Variants in CHN2 observed in about 807,000 individuals in gnomAD.
CHN2 encodes the protein chimerin 2, also known as beta-chimaerin.
In CHN2, 35 loss-of-function variants were observed where a neutral mutation model predicts 56.3. That is an observed-to-expected ratio of 0.62 (90% confidence interval 0.47 to 0.82). The LOEUF (loss-of-function observed/expected upper bound fraction) is 0.82, where lower values mean the gene tolerates loss of function less well. Among genes scored for constraint, CHN2 ranks in the 40% least tolerant of loss-of-function variants. The pLI, the probability that CHN2 is intolerant of heterozygous loss-of-function variation, is 0.00. For synonymous variants in CHN2, 210 were observed against 212.8 expected (o/e 0.99, Z 0.12); for missense variants, 491 against 580.5 (o/e 0.85, Z 1.58).
chr7:29,278,239 C>G (rs957424715), intron 1 of CHN2, among the ~76,000 whole-genome samples: 1 of 152,132 alleles, frequency 6.6e-6, no homozygotes, highest in African/African-American at 2.4e-5. Flanking sequence ...ACCAGAGATT[C>G]TGATTTCAAT....
chr7:29,223,558 A>G (rs1212373990), intron 1 of CHN2, among the ~76,000 whole-genome samples: 1 of 152,114 alleles, frequency 6.6e-6, no homozygotes, highest in Non-Finnish European at 1.5e-5. Context: ...TTTACTCAAC[A>G]TCCATATGTT....
intron 1 of CHN2, among the ~76,000 whole-genome samples, chr7:29,205,689 T>C (rs1161473178): frequency 2.0e-5 from 3 of 152,194 alleles, no homozygotes; most frequent in Non-Finnish European, 4.4e-5. Context: ...CGTGCCAACT[T>C]AGAGTTTCTC....
At chr7:29,411,667 C>T (rs756467066) in intron 6 of CHN2, among the ~76,000 whole-genome samples, 8 of 152,166 alleles carry the variant, frequency 5.3e-5, no homozygotes, top group Non-Finnish European at 1.0e-4. Context: ...GCCTTTCACC[C>T]TCTTTCTGCT....
intron 1 of CHN2, among the ~76,000 whole-genome samples, chr7:29,201,733 A>C (rs1040409917): frequency 9.2e-5 from 14 of 152,194 alleles, no homozygotes; most frequent in Non-Finnish European, 1.3e-4. Context: ...ACACAGACAC[A>C]AAACATTTTT....
At chr7:29,249,427 G>A (rs1036806727) in intron 1 of CHN2, among the ~76,000 whole-genome samples, 36 of 152,194 alleles carry the variant, frequency 2.4e-4, no homozygotes, top group African/African-American at 8.2e-4. Flanking sequence ...CAGCTGGTTG[G>A]ATGGTGCCTG....
chr7:29,251,313 G>C (rs566360492), intron 1 of CHN2, among the ~76,000 whole-genome samples: 1 of 152,028 alleles, frequency 6.6e-6, no homozygotes, highest in African/African-American at 2.4e-5. Flanking sequence ...AGTTAGCTGG[G>C]TGTGGTGACA....
At chr7:29,283,906 C>A (rs59639215) in intron 1 of CHN2, among the ~76,000 whole-genome samples, 1 of 145,540 alleles carries the variant, frequency 6.9e-6, no homozygotes. Flanking sequence ...CAGGAGCCAC[C>A]GTTCCCAGCC....
intron 1 of CHN2, among the ~76,000 whole-genome samples, chr7:29,299,275 C>G (rs374628753): frequency 1.3e-5 from 2 of 152,126 alleles, no homozygotes; most frequent in African/African-American, 4.8e-5. Flanking sequence ...AGTACTGATC[C>G]GTGGTGATTT....
At chr7:29,240,658 A>C (rs1277834641) in intron 1 of CHN2, among the ~76,000 whole-genome samples, 1 of 152,078 alleles carries the variant, frequency 6.6e-6, no homozygotes, top group Non-Finnish European at 1.5e-5. Context: ...AACAAATCAT[A>C]GCATCATGAA....
intron 1 of CHN2, among the ~76,000 whole-genome samples, chr7:29,284,147 G>T (rs981992187): frequency 1.3e-5 from 2 of 151,566 alleles, no homozygotes; most frequent in Non-Finnish European, 2.9e-5. Context: ...CCAGGCTGAA[G>T]TGCAGTGGTG....
chr7:29,505,403 T>C (rs1042330530), intron 10 of CHN2, among the ~76,000 whole-genome samples: 5 of 152,182 alleles, frequency 3.3e-5, no homozygotes, highest in Non-Finnish European at 7.4e-5. Flanking sequence ...GAAGCCCTAC[T>C]GGATAGAGCC....
chr7:29,354,599 G>T lies in CHN2; in HGVS notation c.50-26G>T, dbSNP rs1483642095. 5 of 1,582,812 alleles carry T rather than the reference G, an allele frequency of 3.2e-6. No homozygotes were observed. The African/African-American group carries it at 5.4e-5, about 17-fold the overall frequency. ...CAGCTTGACGTTCAGGCTGATGATG[G>T]ATTTCTTTTTTTTTTTTCATTCTAG... On this transcript the variant is annotated intron_variant, in intron 1 of 12. Transcript: ENST00000222792.
At chr7:29,333,922 A>G (rs932287234) in intron 1 of CHN2, among the ~76,000 whole-genome samples, 2 of 152,216 alleles carry the variant, frequency 1.3e-5, no homozygotes, top group African/African-American at 4.8e-5. Flanking sequence ...TGCTGTGTGC[A>G]TGGAGTCCTG....
intron 3 of CHN2, among the ~76,000 whole-genome samples, chr7:29,380,345 A>G (rs2128056959): frequency 6.6e-6 from 1 of 152,200 alleles, no homozygotes; most frequent in African/African-American, 2.4e-5. Context: ...TAGAACATAA[A>G]CAGATATACA....
chr7:29,324,086 G>C (rs1795602521), intron 1 of CHN2, among the ~76,000 whole-genome samples: 2 of 152,128 alleles, frequency 1.3e-5, no homozygotes. Context: ...AATCACTTTT[G>C]GGAGGTGGGG....
intron 1 of CHN2, among the ~76,000 whole-genome samples, chr7:29,245,985 CT>C (rs1788046931): frequency 6.6e-6 from 1 of 152,176 alleles, no homozygotes; most frequent in South Asian, 2.1e-4. Flanking sequence ...ACTTCATCTT[CT>C]TTTCCATTAG....
chr7:29,508,768 C>T (rs886222371), intron 11 of CHN2, among the ~76,000 whole-genome samples: 4 of 152,126 alleles, frequency 2.6e-5, no homozygotes, highest in African/African-American at 7.2e-5. Context: ...GGCTGTGCAC[C>T]GGGGTTAAGT....
intron 1 of CHN2, among the ~76,000 whole-genome samples, chr7:29,283,712 G>C (rs1311494094): frequency 6.6e-6 from 1 of 151,880 alleles, no homozygotes; most frequent in Non-Finnish European, 1.5e-5. Context: ...TCCACCTCCC[G>C]AGTTCAAGCA....
intron 1 of CHN2, among the ~76,000 whole-genome samples, chr7:29,231,539 A>T (rs1380152009): frequency 6.6e-6 from 1 of 152,202 alleles, no homozygotes; most frequent in Admixed American, 6.5e-5. Flanking sequence ...ACAAAGAGAT[A>T]TCTCCTTAAT....
Sources: gnomAD v4.1 joint callset for allele counts (sites outside exome capture counted in the v4.1 genomes callset) on GRCh38, gnomAD v4.1.1 for gene constraint, MANE v1.5 for transcripts, NCBI Gene and HGNC (gene_info 2026-07-23, HGNC 2026-07-21) for gene names.